FBXO31: variants seen among roughly 807,000 people sequenced by gnomAD.
The protein encoded by FBXO31 is F-box only protein 31.
Under a neutral mutation model 54.4 loss-of-function variants are expected in FBXO31, and 24 were observed. The observed-to-expected ratio is 0.44, with a 90% CI of 0.32 to 0.62. The LOEUF is 0.62. FBXO31 is among the 20% of genes least tolerant of loss of function. The pLI is 0.05. For missense variants in FBXO31, 665 were observed against 787.1 expected (o/e 0.84, Z 1.86); for synonymous variants, 388 against 335.6 (o/e 1.16, Z -1.71).
At chr16:87,344,681 A>G (rs1905303488) in intron 3 of FBXO31, among the ~76,000 whole-genome samples, 1 of 152,056 alleles carries the variant, frequency 6.6e-6, no homozygotes, top group African/African-American at 2.4e-5. Flanking sequence ...AGTAAGTAAA[A>G]CAATTACCCT....
intron 1 of FBXO31, among the ~76,000 whole-genome samples, chr16:87,379,865 G>A (rs551172186): frequency 3.9e-4 from 59 of 151,824 alleles, no homozygotes; most frequent in African/African-American, 1.4e-3. Context: ...TGGAATTACA[G>A]GTGTGAGCCA....
chr16:87,386,878 T>C (rs1187566716), upstream of FBXO31, among the ~76,000 whole-genome samples: 1 of 151,938 alleles, frequency 6.6e-6, no homozygotes, highest in African/African-American at 2.4e-5. Context: ...TAGAAGATGG[T>C]TGGTGATATA....
At position 87,334,056 on chromosome 16, in the gene FBXO31, T is replaced by C; in HGVS notation, c.1227A>G (p.Ala409=). 6.2e-7 allele frequency: 1 copy of C among 1,612,060 alleles called. No individual in the cohort carries two copies. The highest frequency in any genetic ancestry group is 1.3e-5 in the African/African-American group (1 of 75,046). ...ESQPSPAQPR[A]EAPSKGPDGT... ...CATCTGGGCCCTTGCTGGGCGCCTC[T>C]GCCCTGGGCTGGGCAGGGCTTGGCT... Residue 409 remains alanine, a synonymous_variant, in exon 8 of 9, where the codon GCA becomes GCG. Coordinates refer to ENST00000311635, the MANE Select transcript of FBXO31 (RefSeq NM_024735.5).
chr16:87,385,074 C>T (rs1907279684), upstream of FBXO31, among the ~76,000 whole-genome samples: 1 of 151,986 alleles, frequency 6.6e-6, no homozygotes, highest in African/African-American at 2.4e-5. Context: ...AATTCTAGCA[C>T]TTTGGGAGGC....
At chr16:87,390,250 C>T (rs2150705980), upstream of FBXO31, among the ~76,000 whole-genome samples, 1 of 152,218 alleles carries the variant, frequency 6.6e-6, no homozygotes, top group Non-Finnish European at 1.5e-5. Flanking sequence ...CACTGCACTC[C>T]AGCCTGGGCA....
At chr16:87,347,680 CAAAAAA>C (rs34496343) in intron 2 of FBXO31, among the ~76,000 whole-genome samples, 4 of 58,994 alleles carry the variant, frequency 6.8e-5, no homozygotes, top group Non-Finnish European at 3.4e-5. Flanking sequence ...ACTCAGTCTC[CAAAAAA>C]AAAAAAAAAA....
rs1394427963 is a variant in FBXO31, at chr16:87,383,183, C to A, written c.340+222G>T. Among the ~76,000 whole-genome samples, 1 of 152,032 alleles carries A rather than the reference C, an allele frequency of 6.6e-6. No individual in the cohort carries two copies. Among genetic ancestry groups the A allele is most frequent in the Non-Finnish European group, 1.5e-5 (1 of 67,996 alleles). The stretch of plus-strand genomic sequence containing the variant: ...CCCTACCCCGTCTGCCTCTCTTGGA[C>A]CCCTCGGACCCTCCCTAACCGCCTC... On this transcript the variant is annotated intron_variant, in intron 1 of 8. Coordinates refer to ENST00000311635, the MANE Select transcript of FBXO31 (RefSeq NM_024735.5). The surrounding 1 kb of genome is among the most constrained non-coding windows in gnomAD (Gnocchi z 4.9).
In FBXO31 at chr16:87,363,446, G is replaced by A. The variant is rs552516786; in HGVS notation, c.341-3080C>T. Among the ~76,000 whole-genome samples, 4 of 152,254 alleles carry A rather than the reference G, an allele frequency of 2.6e-5. No individual in the cohort carries two copies. The South Asian group carries it at 6.2e-4, about 24-fold the overall frequency. ...CATCTCCTTTGCCTCACGGTCTAGG[G>A]GCCTCCTGGGTGACCTGGGGCATCT... On this transcript the variant is annotated intron_variant, in intron 1 of 8. Coordinates refer to ENST00000311635, the MANE Select transcript of FBXO31 (RefSeq NM_024735.5).
intron 2 of FBXO31, among the ~76,000 whole-genome samples, chr16:87,356,252 A>C (rs1275855675): frequency 6.6e-6 from 1 of 151,330 alleles, no homozygotes; most frequent in Non-Finnish European, 1.5e-5. Flanking sequence ...AAGAAAAGAA[A>C]GAAAGAAAAG....
intron 3 of FBXO31, among the ~76,000 whole-genome samples, chr16:87,344,350 C>A (rs778944333): frequency 6.6e-6 from 1 of 152,182 alleles, no homozygotes; most frequent in South Asian, 2.1e-4. Context: ...CGGGAAGAGC[C>A]GAGGAGTGCG....
At chr16:87,376,664 C>T (rs1388605593) in intron 1 of FBXO31, among the ~76,000 whole-genome samples, 5 of 152,196 alleles carry the variant, frequency 3.3e-5, no homozygotes, top group Admixed American at 3.3e-4. Flanking sequence ...GTGGTAAACA[C>T]AGAAATCAGC....
At chr16:87,373,617 C>T (rs1906697116) in intron 1 of FBXO31, among the ~76,000 whole-genome samples, 1 of 151,442 alleles carries the variant, frequency 6.6e-6, no homozygotes, top group South Asian at 2.1e-4. Context: ...CAGCCTTGAA[C>T]TCCTGGGCAC....
At chr16:87,349,823 C>T (rs1455904171) in intron 2 of FBXO31, among the ~76,000 whole-genome samples, 1 of 150,732 alleles carries the variant, frequency 6.6e-6, no homozygotes, top group Non-Finnish European at 1.5e-5. Flanking sequence ...GTGGGAGGAC[C>T]ACTTGAGCCC....
intron 1 of FBXO31, among the ~76,000 whole-genome samples, chr16:87,364,766 A>T (rs1233796997): frequency 1.3e-5 from 2 of 151,682 alleles, no homozygotes; most frequent in African/African-American, 4.8e-5. Flanking sequence ...TCATGCCTGT[A>T]ATCCCAGCAC....
At position 87,370,984 on chromosome 16, in the gene FBXO31, C is replaced by T. The variant is rs77511687; in HGVS notation, c.341-10618G>A. Among the ~76,000 whole-genome samples the T allele has an allele frequency of 3.4e-3, 516 of 152,280 alleles. 24 individuals carry two copies. In the East Asian group the frequency reaches 0.088, roughly 26 times the overall value. On this transcript the variant is annotated intron_variant, in intron 1 of 8. Transcript: ENST00000311635. ...ATGCCCCCGGGCTCCAAGAACAGCG[C>T]CCCAACTGCGGCCCGGCACTCCCCA...
At chr16:87,355,618 C>T (rs758547319) in intron 2 of FBXO31, among the ~76,000 whole-genome samples, 6 of 152,126 alleles carry the variant, frequency 3.9e-5, no homozygotes, top group Non-Finnish European at 5.9e-5. Context: ...GTTTTTATAA[C>T]GACACTCAAA....
intron 2 of FBXO31, among the ~76,000 whole-genome samples, chr16:87,359,417 C>T (rs545906137): frequency 1.3e-5 from 2 of 152,334 alleles, no homozygotes; most frequent in East Asian, 3.9e-4. Flanking sequence ...ACTCCTATGG[C>T]TGTTACAGGA....
rs1904707176 is a variant in FBXO31, at chr16:87,327,964, T to G, written c.*3324A>C. ...AGCACCTTGGACGGTGGACCACAGC[T>G]CAGCATCTCCTGTTCGCACCCAAGA... On this transcript the variant is annotated 3_prime_UTR_variant, in exon 9 of 9. Coordinates refer to ENST00000311635, the MANE Select transcript of FBXO31 (RefSeq NM_024735.5). 6.6e-6 allele frequency: 1 copy of G among 152,184 alleles called. No homozygotes were observed. Among genetic ancestry groups the G allele is most frequent in the Non-Finnish European group, 1.5e-5 (1 of 68,046 alleles). The allele number at this position is 152,184 out of a possible 1,614,324, so 9.4% of individuals were successfully genotyped here.
rs889510899 is a variant in FBXO31, at chr16:87,350,239, G to A, written c.413-2989C>T. Among the ~76,000 whole-genome samples the A allele has an allele frequency of 2.0e-5, 3 of 152,276 alleles. No individual in the cohort carries two copies. In the East Asian group the frequency reaches 5.8e-4, roughly 29 times the overall value. On this transcript the variant is annotated intron_variant, in intron 2 of 8. Transcript: ENST00000311635. The stretch of plus-strand genomic sequence containing the variant: ...GGCAAGAAAGCCAGGACGGCAGCAA[G>A]TAGGTCGCCACCTGGATCTAAGGCA...
Sources: gnomAD v4.1 joint callset for allele counts (sites outside exome capture counted in the v4.1 genomes callset) on GRCh38, gnomAD v4.1.1 for gene constraint, Gnocchi (gnomAD v3.1) non-coding constraint, MANE v1.5 for transcripts, NCBI Gene and HGNC (gene_info 2026-07-23, HGNC 2026-07-21) for gene names.